NSD1: variants seen among roughly 807,000 people sequenced by gnomAD.
NSD1 encodes the protein histone-lysine N-methyltransferase, H3 lysine-36 specific.
A neutral mutation model predicts 242.7 loss-of-function variants in NSD1; 26 were observed. The ratio of observed to expected loss-of-function variants is 0.11; its 90% confidence interval spans 0.08 to 0.15. The LOEUF (loss-of-function observed/expected upper bound fraction) is 0.15. Ranked by LOEUF, NSD1 falls within the 10% of genes least tolerant of loss-of-function variation. The pLI, the probability that NSD1 is intolerant of heterozygous loss-of-function variation, is 1.00. For missense variants in NSD1, 2,495 were observed against 3,272.8 expected, an observed-to-expected ratio of 0.76 and a Z score of 5.80; for synonymous variants, 1,106 against 1,178.1, an observed-to-expected ratio of 0.94 and a Z score of 1.25.
chr5:177,245,457 G>A (rs1281379767), intron 9 of NSD1, among the ~76,000 whole-genome samples: 1 of 151,938 alleles, frequency 6.6e-6, no homozygotes, highest in Non-Finnish European at 1.5e-5. Context: ...ACTCAATCAG[G>A]CAGTCAAAAA....
intron 2 of NSD1, among the ~76,000 whole-genome samples, chr5:177,168,707 T>C (rs1478674286): frequency 6.6e-6 from 1 of 152,160 alleles, no homozygotes; most frequent in Non-Finnish European, 1.5e-5. Flanking sequence ...GTGATCCACC[T>C]GCCTTGGCCT....
chr5:177,219,279 G>A (rs888704449), intron 5 of NSD1, among the ~76,000 whole-genome samples: 5 of 151,542 alleles, frequency 3.3e-5, no homozygotes, highest in African/African-American at 7.3e-5. Context: ...TCCACCTCCC[G>A]GGTTCAAGCG....
chr5:177,263,739 G>T (rs917971086), intron 14 of NSD1, among the ~76,000 whole-genome samples: 22 of 152,148 alleles, frequency 1.4e-4, no homozygotes, highest in African/African-American at 5.3e-4. Context: ...TTAATTGTAA[G>T]AGTTACTGAT....
intron 14 of NSD1, chr5:177,265,334 A>G: frequency 3.3e-6 from 2 of 615,382 alleles, no homozygotes; most frequent in Non-Finnish European, 5.7e-6. Flanking sequence ...TGCCAACAGA[A>G]GTATGTTTAT....
At chr5:177,187,775 A>G (rs1335506736) in intron 2 of NSD1, among the ~76,000 whole-genome samples, 2 of 152,100 alleles carry the variant, frequency 1.3e-5, no homozygotes, top group African/African-American at 4.8e-5. Context: ...TTATTAGGAA[A>G]CAGTTGCACT....
At chr5:177,156,244 G>A (rs1178686927) in intron 2 of NSD1, among the ~76,000 whole-genome samples, 1 of 138,666 alleles carries the variant, frequency 7.2e-6, no homozygotes, top group Non-Finnish European at 1.5e-5. Context: ...GCAGTGGCGC[G>A]ATCTTGGCTC....
chr5:177,291,761 A>G (rs1759848652), intron 21 of NSD1, among the ~76,000 whole-genome samples, 193 bp from the exon 22 acceptor site: 1 of 152,238 alleles, frequency 6.6e-6, no homozygotes, highest in Non-Finnish European at 1.5e-5. Flanking sequence ...TGTTTTGTTC[A>G]GGTGGCAGGA....
chr5:177,284,215 A>T (rs115142140), intron 20 of NSD1, among the ~76,000 whole-genome samples: 3 of 152,182 alleles, frequency 2.0e-5, no homozygotes, highest in Non-Finnish European at 4.4e-5. Flanking sequence ...TTTGACTACT[A>T]TATGTACTTC....
chr5:177,291,998 G>T lies in NSD1; in HGVS notation c.6303G>T (p.Lys2101Asn). The change falls in exon 22 of 23, where the codon AAG becomes AAT. Residue 2101 changes from lysine to asparagine, a missense_variant. Physicochemically the swap from Lys to Asn is moderately conservative, Grantham distance 94. Coordinates refer to ENST00000439151, the MANE Select transcript of NSD1 (RefSeq NM_022455.5). Reference sequence around the variant, plus strand: ...AAGAAAAGTCAAAGAAATTCAAGAAGAAGCAACAGGGAAAGCGCAGGACCC... The same window carrying T: ...AAGAAAAGTCAAAGAAATTCAAGAATAAGCAACAGGGAAAGCGCAGGACCC... ...ATEEKSKKFK[K>N]KQQGKRRTQG... 1.2e-6 allele frequency: 2 copies of T among 1,614,024 alleles called. No individual in the cohort carries two copies. The highest frequency in any genetic ancestry group is 1.7e-6 in the Non-Finnish European group (2 of 1,179,966).
intron 2 of NSD1, among the ~76,000 whole-genome samples, chr5:177,158,996 TTTTATATATA>T (rs1156923457): frequency 1.5e-5 from 1 of 65,146 alleles, no homozygotes; most frequent in Non-Finnish European, 2.4e-5. Flanking sequence ...ATATGAATGA[TTTTATATATA>T]TATATATATA....
chr5:177,200,355 C>T (rs775917640), intron 3 of NSD1, among the ~76,000 whole-genome samples: 1 of 151,838 alleles, frequency 6.6e-6, no homozygotes, highest in Non-Finnish European at 1.5e-5. Context: ...GTGATCCTCC[C>T]GCCTCGGCCT....
chr5:177,250,118 T>A (rs1434398376), intron 11 of NSD1, among the ~76,000 whole-genome samples: 2 of 152,116 alleles, frequency 1.3e-5, no homozygotes, highest in Non-Finnish European at 1.5e-5. Flanking sequence ...TAAGTTGAGA[T>A]CTCTAAAAAA....
rs147226070 is a variant in NSD1, at chr5:177,256,275, C to CT, written c.4766-651dup. 5.8e-3 allele frequency among the ~76,000 whole-genome samples: 445 copies of CT among 76,822 alleles called. 8 individuals are homozygous for CT. Among genetic ancestry groups the CT allele is most frequent in the East Asian group, 0.016 (48 of 2,994 alleles). The allele number at this position is 76,822 out of a possible 152,430, so 50.4% of individuals were successfully genotyped here. A position where few individuals can be genotyped will look rare whatever the true frequency, so the allele number is the denominator to read the frequency against. On this transcript the variant is annotated intron_variant, in intron 12 of 22. Coordinates refer to ENST00000439151, the MANE Select transcript of NSD1 (RefSeq NM_022455.5). ...TATCTTTAACAATACTGCCCCCACA[C>CT]TTTTTTTTTTTTTTTTTTTTTTTTT...
rs189283994 is a variant in NSD1 at position 177,144,320 on chromosome 5, G to A, written c.927+8290G>A. ...CCTGGCTGGGCCCAAGTGATCCACC[G>A]CCCTCAGCCTTCCAACGTATTGGGA... is the stretch of plus-strand genomic sequence containing the variant. On this transcript the variant is annotated intron_variant, in intron 2 of 22. Transcript: ENST00000439151. 2.4e-3 allele frequency among the ~76,000 whole-genome samples: 369 copies of A among 151,652 alleles called. 1 individual carries two copies. The highest frequency in any genetic ancestry group is 2.8e-3 in the African/African-American group (115 of 41,372).
At chr5:177,204,392 T>C in intron 4 of NSD1, 100 bp downstream of exon 4, 2 of 1,146,462 alleles carry the variant, frequency 1.7e-6, no homozygotes, top group Non-Finnish European at 2.5e-6. Flanking sequence ...TTTGCTCTGT[T>C]TCCCAGATTG....
At chr5:177,172,961 C>CAAAAA (rs1157349270) in intron 2 of NSD1, among the ~76,000 whole-genome samples, 2 of 66,010 alleles carry the variant, frequency 3.0e-5, no homozygotes, top group African/African-American at 1.1e-4. Flanking sequence ...GACCCTGTCT[C>CAAAAA]AAAAAAAAAA....
intron 15 of NSD1, 103 bp downstream of exon 15, chr5:177,267,821 A>C: frequency 8.9e-7 from 1 of 1,127,004 alleles, no homozygotes; most frequent in Non-Finnish European, 1.3e-6. Flanking sequence ...TTAATTACTC[A>C]TGGTACTCCT....
At chr5:177,252,702 C>G (rs1756091250) in intron 12 of NSD1, among the ~76,000 whole-genome samples, 1 of 151,236 alleles carries the variant, frequency 6.6e-6, no homozygotes. Context: ...CAACCACTTG[C>G]CACCATGCGT....
chr5:177,234,867 A>T (rs1410049781), intron 5 of NSD1, among the ~76,000 whole-genome samples: 1 of 152,212 alleles, frequency 6.6e-6, no homozygotes. Flanking sequence ...GCTTCTGATG[A>T]TGTTTCTTCT....
Sources: gnomAD v4.1 joint callset for allele counts (sites outside exome capture counted in the v4.1 genomes callset) on GRCh38, gnomAD v4.1.1 for gene constraint, MANE v1.5 for transcripts, NCBI Gene and HGNC (gene_info 2026-07-23, HGNC 2026-07-21) for gene names.